The following ERAP1 variants were observed in gnomAD, a reference collection of about 807,000 sequenced individuals.
ERAP1 encodes endoplasmic reticulum aminopeptidase 1, also known as adipocyte-derived leucine aminopeptidase.
A neutral mutation model predicts 103.7 loss-of-function variants in ERAP1; 86 were observed. The observed-to-expected ratio is 0.83, with a 90% CI of 0.70 to 0.99. The LOEUF (loss-of-function observed/expected upper bound fraction) is 0.99, where lower values mean the gene tolerates loss of function less well. Ranked by LOEUF, ERAP1 falls within the 50% of genes least tolerant of loss-of-function variation. The pLI, the probability that ERAP1 is intolerant of heterozygous loss-of-function variation, is 0.00. For missense variants in ERAP1, 1,009 were observed against 1,128.4 expected (o/e 0.89, Z 1.52); for synonymous variants, 398 against 402.4 (o/e 0.99, Z 0.13).
rs1775207255 is a variant in ERAP1 at position 96,781,798 on chromosome 5, C to G, written c.2342G>C (p.Gly781Ala). The change falls in exon 16 of 19, where the codon GGC (glycine) becomes GCC (alanine). Residue 781 changes from glycine (G) to alanine (A), a missense_variant. Physicochemically the swap from Gly to Ala is moderately conservative, Grantham distance 60. This residue lies in a region of ERAP1 where 611 missense variants were observed against 651.7 expected (regional missense o/e 0.94). Coordinates refer to ENST00000443439, the MANE Select transcript of ERAP1 (RefSeq NM_001040458.3). ...VFAVGAQSTEGWDFLYSKYQF... is the reference protein window; with the variant it reads ...VFAVGAQSTEAWDFLYSKYQF... ...ATATTTACTATAAAGAAAATCCCAG[C>G]CTTCTGTGCTCTGGGCCCCCACAGC... is the stretch of plus-strand genomic sequence containing the variant. 2 of 1,613,988 alleles carry G rather than the reference C, an allele frequency of 1.2e-6. No individual in the cohort carries two copies. Among genetic ancestry groups the G allele is most frequent in the African/African-American group, 1.3e-5 (1 of 74,878 alleles).
At chr5:96,866,467 A>G in the ERAP1 span, among the ~76,000 whole-genome samples, 1 of 152,376 alleles carries the variant, frequency 6.6e-6, no homozygotes, top group East Asian at 1.9e-4. Context: ...AGTAATAGTG[A>G]TAATTATAAC....
the ERAP1 span, chr5:96,879,552 T>C: frequency 3.0e-6 from 2 of 657,826 alleles, no homozygotes; most frequent in East Asian, 5.4e-5. Flanking sequence ...TAAGTGTGTT[T>C]TTTTCTTCTA....
At chr5:96,862,613 C>A in the ERAP1 span, among the ~76,000 whole-genome samples, 3 of 152,296 alleles carry the variant, frequency 2.0e-5, no homozygotes, top group South Asian at 6.2e-4. Flanking sequence ...TTAAAAGATT[C>A]CATCATTGTC....
intron 1 of ERAP1, chr5:96,805,647 C>A (rs1451825821): frequency 6.6e-6 from 1 of 152,244 alleles, no homozygotes; most frequent in Non-Finnish European, 1.5e-5. Context: ...AAAGGCACCA[C>A]CCAGGTGAGA....
the ERAP1 span, among the ~76,000 whole-genome samples, chr5:96,830,473 G>A: frequency 3.9e-5 from 6 of 152,250 alleles, no homozygotes; most frequent in South Asian, 4.1e-4. Flanking sequence ...CTGAAAACTG[G>A]AAACAACTCA....
chr5:96,805,703 G>A (rs943663814), intron 1 of ERAP1: 12 of 152,228 alleles, frequency 7.9e-5, no homozygotes, highest in African/African-American at 2.9e-4. Flanking sequence ...TTGAAGTTGG[G>A]GAACTAGAGA....
the ERAP1 span, among the ~76,000 whole-genome samples, chr5:96,840,529 A>G: frequency 6.6e-4 from 100 of 152,314 alleles, no homozygotes; most frequent in African/African-American, 2.3e-3. Context: ...CTAGCAACAA[A>G]TGACAAATGT....
chr5:96,818,263 A>G, the ERAP1 span, among the ~76,000 whole-genome samples: 100,239 of 151,744 alleles, frequency 0.66, 33,594 homozygotes, highest in Non-Finnish European at 0.72. Context: ...TGCTCAACAC[A>G]CCTCCCTTTC....
At position 96,781,780 on chromosome 5, in the gene ERAP1, C is replaced by T; in HGVS notation, c.2360G>A (p.Ser787Asn). The change falls in exon 16 of 19, where the codon AGT becomes AAT. Residue 787 changes from serine (S) to asparagine (N), a missense_variant. Coordinates refer to ENST00000443439, the MANE Select transcript of ERAP1 (RefSeq NM_001040458.3). ...ACTGGACAAAGAAAACTGATATTTA[C>T]TATAAAGAAAATCCCAGCCTTCTGT... The part of the protein sequence containing the change: ...QSTEGWDFLY[S>N]KYQFSLSSTE... 1.2e-6 allele frequency: 2 copies of T among 1,614,104 alleles called. No individual in the cohort carries two copies. The highest frequency in any genetic ancestry group is 1.7e-6 in the Non-Finnish European group (2 of 1,180,014).
chr5:96,852,358 C>T, the ERAP1 span, among the ~76,000 whole-genome samples: 1 of 152,294 alleles, frequency 6.6e-6, no homozygotes, highest in East Asian at 1.9e-4. Context: ...GCCCTCCCCA[C>T]CTCCAGGTAG....
chr5:96,786,946 C>A (rs1395874056), intron 11 of ERAP1, among the ~76,000 whole-genome samples: 1 of 152,016 alleles, frequency 6.6e-6, no homozygotes. Context: ...GGAGAAACAG[C>A]AGAAAATCCA....
chr5:96,924,880 G>A, the ERAP1 span, among the ~76,000 whole-genome samples: 1 of 152,190 alleles, frequency 6.6e-6, no homozygotes, highest in Non-Finnish European at 1.5e-5. Context: ...TTACAGGCAT[G>A]AGCCACTGTG....
At chr5:96,767,247 A>C (rs1770325840) in intron 19 of ERAP1, among the ~76,000 whole-genome samples, 1 of 152,222 alleles carries the variant, frequency 6.6e-6, no homozygotes, top group Non-Finnish European at 1.5e-5. Context: ...AGTCTACACA[A>C]ATGATTATAA....
At position 96,766,056 on chromosome 5, in the gene ERAP1, A is replaced by G. The variant is rs1561617817; in HGVS notation, c.2819-2828T>C. ...TATCTGCTCACTGTTGATATAGGAA[A>G]AAGCTAAAGCTGAACATAGAGACAA... On this transcript the variant is annotated intron_variant, in intron 19 of 19. Transcript: ENST00000296754. The G allele has an allele frequency of 1.3e-6, 2 of 1,586,738 alleles. No individual in the cohort carries two copies. Among genetic ancestry groups the G allele is most frequent in the Admixed American group, 1.7e-5 (1 of 59,208 alleles).
chr5:96,874,176 A>G, the ERAP1 span, among the ~76,000 whole-genome samples: 1 of 73,348 alleles, frequency 1.4e-5, no homozygotes, highest in Non-Finnish European at 2.5e-5. Flanking sequence ...GAAAGAAAGA[A>G]AGAAAGAGAG....
chr5:96,876,409 T>C, the ERAP1 span: 5,071 of 152,422 alleles, frequency 0.033, 125 homozygotes, highest in Middle Eastern at 0.11. Context: ...ACCTGCGTGA[T>C]AATGAACCAG....
chr5:96,828,895 G>A, the ERAP1 span, among the ~76,000 whole-genome samples: 1 of 152,026 alleles, frequency 6.6e-6, no homozygotes, highest in East Asian at 1.9e-4. Context: ...TCACCAGGCT[G>A]GAGTGCAGTG....
At chr5:96,816,406 A>T in the ERAP1 span, among the ~76,000 whole-genome samples, 1 of 152,180 alleles carries the variant, frequency 6.6e-6, no homozygotes, top group East Asian at 1.9e-4. Context: ...GTTCACAGGA[A>T]CAACTGCAGG....
chr5:96,836,176 G>GTTTTTTTTTTTTT, the ERAP1 span, among the ~76,000 whole-genome samples: 16 of 106,640 alleles, frequency 1.5e-4, no homozygotes, highest in South Asian at 3.6e-4. Flanking sequence ...CACCTCTTTG[G>GTTTTTTTTTTTTT]TTTTTTTTTT....
Sources: gnomAD v4.1 joint callset for allele counts (sites outside exome capture counted in the v4.1 genomes callset) on GRCh38, gnomAD v4.1.1 for gene constraint, gnomAD v4.1.1 regional missense constraint, MANE v1.5 for transcripts, NCBI Gene and HGNC (gene_info 2026-07-23, HGNC 2026-07-21) for gene names.